Variants in MARCHF1 observed in about 807,000 individuals in gnomAD.
MARCHF1 encodes membrane associated ring-CH-type finger 1, also known as E3 ubiquitin-protein ligase MARCHF1.
Under a neutral mutation model 54.2 loss-of-function variants are expected in MARCHF1, and 40 were observed. The observed-to-expected ratio is 0.74, with a 90% CI of 0.57 to 0.96. The LOEUF (loss-of-function observed/expected upper bound fraction) is 0.96, where lower values mean the gene tolerates loss of function less well. MARCHF1 is among the 40% of genes least tolerant of loss of function. MARCHF1 has a pLI of 0.00. For missense variants in MARCHF1, 586 were observed against 656.5 expected, an observed-to-expected ratio of 0.89 and a Z score of 1.17; for synonymous variants, 236 against 236.3, an observed-to-expected ratio of 1.00 and a Z score of 0.01.
At chr4:163,789,494 T>TA (rs1257132954) in intron 4 of MARCHF1, among the ~76,000 whole-genome samples, 8 of 151,934 alleles carry the variant, frequency 5.3e-5, no homozygotes, top group Non-Finnish European at 1.2e-4. Flanking sequence ...CCCCTGAACT[T>TA]AAAAGTCTTT....
intron 1 of MARCHF1, among the ~76,000 whole-genome samples, chr4:164,301,939 C>T (rs868282880): frequency 1.1e-4 from 16 of 152,154 alleles, no homozygotes; most frequent in East Asian, 1.9e-4. Context: ...AGAGAGAAGA[C>T]AAATGATTGG....
intron 1 of MARCHF1, among the ~76,000 whole-genome samples, chr4:164,351,649 C>A (rs1730339633): frequency 6.6e-6 from 1 of 151,954 alleles, no homozygotes; most frequent in Admixed American, 6.6e-5. Context: ...GATAAAACCA[C>A]AAAGATGGGG....
chr4:164,115,374 G>C (rs1005679646), intron 1 of MARCHF1, among the ~76,000 whole-genome samples: 3 of 151,996 alleles, frequency 2.0e-5, no homozygotes, highest in Non-Finnish European at 4.4e-5. Context: ...ATGAAGATAT[G>C]GCATGTTGTT....
At chr4:163,849,897 T>C (rs1389694) in intron 4 of MARCHF1, among the ~76,000 whole-genome samples, 7,271 of 152,200 alleles carry the variant, frequency 0.048, 473 homozygotes, top group East Asian at 0.26. Context: ...CTTTCTATAC[T>C]GATTACTAAG....
chr4:164,019,437 C>G (rs946333081), intron 2 of MARCHF1, among the ~76,000 whole-genome samples: 1 of 152,136 alleles, frequency 6.6e-6, no homozygotes, highest in Non-Finnish European at 1.5e-5. Context: ...TAACTGGTAT[C>G]ATGAGTGAGA....
intron 1 of MARCHF1, among the ~76,000 whole-genome samples, chr4:164,324,985 C>G (rs144520179): frequency 1.2e-3 from 184 of 151,026 alleles, no homozygotes; most frequent in African/African-American, 4.3e-3. Flanking sequence ...CAAGAATAAC[C>G]AAGAATAGCA....
At chr4:163,732,640 A>C (rs79141928) in intron 4 of MARCHF1, among the ~76,000 whole-genome samples, 143 of 152,314 alleles carry the variant, frequency 9.4e-4, no homozygotes, top group African/African-American at 3.2e-3. Context: ...CATTATGTAC[A>C]GAGGAGCAAA....
chr4:163,967,972 G>T (rs1271280881), intron 3 of MARCHF1, among the ~76,000 whole-genome samples: 1 of 152,094 alleles, frequency 6.6e-6, no homozygotes, highest in African/African-American at 2.4e-5. Flanking sequence ...TGATTTAAAT[G>T]TTAATCTCAT....
chr4:163,547,352 A>G (rs11946357), intron 8 of MARCHF1, among the ~76,000 whole-genome samples: 4,918 of 152,200 alleles, frequency 0.032, 272 homozygotes, highest in African/African-American at 0.11. Context: ...TGCCTTTCCA[A>G]CCTTTCTTGG....
chr4:164,229,611 T>C (rs1732357522), intron 1 of MARCHF1, among the ~76,000 whole-genome samples: 1 of 152,018 alleles, frequency 6.6e-6, no homozygotes, highest in Non-Finnish European at 1.5e-5. Flanking sequence ...TGAGAATGAG[T>C]AATTTATAAA....
chr4:163,946,969 G>A (rs1310606446), intron 3 of MARCHF1, among the ~76,000 whole-genome samples: 2 of 152,032 alleles, frequency 1.3e-5, no homozygotes, highest in Non-Finnish European at 2.9e-5. Flanking sequence ...AAGAATTCTT[G>A]TTTACAGATT....
At chr4:164,335,173 TG>T (rs1161855374) in intron 1 of MARCHF1, among the ~76,000 whole-genome samples, 1 of 152,188 alleles carries the variant, frequency 6.6e-6, no homozygotes, top group African/African-American at 2.4e-5. Context: ...TTGAGAGGGT[TG>T]ACTTCAATTT....
At chr4:163,653,021 A>G (rs1743020778) in intron 5 of MARCHF1, among the ~76,000 whole-genome samples, 1 of 151,832 alleles carries the variant, frequency 6.6e-6, no homozygotes, top group South Asian at 2.1e-4. Flanking sequence ...GAAAAAAGAA[A>G]ATGCATCAGG....
At chr4:164,056,122 T>A (rs1754483549) in intron 2 of MARCHF1, among the ~76,000 whole-genome samples, 1 of 152,200 alleles carries the variant, frequency 6.6e-6, no homozygotes, top group Non-Finnish European at 1.5e-5. Context: ...TTCTCCTAGT[T>A]CCCTTTACCG....
At chr4:163,768,952 A>G (rs185382750) in intron 4 of MARCHF1, among the ~76,000 whole-genome samples, 1 of 152,158 alleles carries the variant, frequency 6.6e-6, no homozygotes, top group Non-Finnish European at 1.5e-5. Flanking sequence ...TGGTGGCTAC[A>G]ATAATGCCGA....
At chr4:163,691,723 AG>A (rs1164225886) in intron 5 of MARCHF1, among the ~76,000 whole-genome samples, 2 of 152,134 alleles carry the variant, frequency 1.3e-5, no homozygotes, top group Non-Finnish European at 2.9e-5. Flanking sequence ...AGCTATGTTG[AG>A]GTGAAACAAA....
intron 1 of MARCHF1, chr4:164,197,200 T>G (rs1324040842): frequency 6.2e-7 from 1 of 1,609,798 alleles, no homozygotes; most frequent in Non-Finnish European, 8.5e-7. Context: ...CTCCTCCTCA[T>G]GCTCACCCTC....
rs554946356 is a variant in MARCHF1 at position 163,867,637 on chromosome 4, A to C, written c.-38-13468T>G. ...TACCAAGGCTTTCTTTTTTTGCAGT[A>C]GGCTAATTTGCCACACACTATTCTT... On this transcript the variant is annotated intron_variant, in intron 3 of 9. Transcript: ENST00000514618. Among the ~76,000 whole-genome samples, 279 of 151,896 alleles carry C rather than the reference A, an allele frequency of 1.8e-3. 8 individuals carry two copies. The South Asian group carries it at 0.055, about 30-fold the overall frequency.
At chr4:163,850,822 C>T (rs963057010) in intron 4 of MARCHF1, among the ~76,000 whole-genome samples, 6 of 152,118 alleles carry the variant, frequency 3.9e-5, no homozygotes, top group Admixed American at 6.6e-5. Context: ...TTACTGGCTA[C>T]GTTTGGCAGG....
Sources: gnomAD v4.1 joint callset for allele counts (sites outside exome capture counted in the v4.1 genomes callset) on GRCh38, gnomAD v4.1.1 for gene constraint, MANE v1.5 for transcripts, NCBI Gene and HGNC (gene_info 2026-07-23, HGNC 2026-07-21) for gene names.